The following FNTB variants were observed in gnomAD, a reference collection of about 807,000 sequenced individuals.
FNTB encodes the protein protein farnesyltransferase subunit beta.
A neutral mutation model predicts 59.4 loss-of-function variants in FNTB; 27 were observed. The observed-to-expected ratio is 0.45, with a 90% CI of 0.34 to 0.63. The LOEUF is 0.63. Ranked by LOEUF, FNTB falls within the 20% of genes least tolerant of loss-of-function variation. The probability of loss-of-function intolerance (pLI) is 0.02; values close to 1 mark genes in which losing one functional copy is unlikely to be tolerated. For missense variants in FNTB, 449 were observed against 559.6 expected (o/e 0.80, Z 1.99); for synonymous variants, 230 against 220.7 (o/e 1.04, Z -0.37).
intron 8 of FNTB, among the ~76,000 whole-genome samples, chr14:65,043,973 TTTA>T (rs1335584020): frequency 6.6e-6 from 1 of 152,122 alleles, no homozygotes; most frequent in Non-Finnish European, 1.5e-5. Context: ...TTAAGCCATG[TTTA>T]TTAAGAGACT....
rs184332071 is a variant in FNTB, at chr14:65,024,162, G to A, written c.375-3291G>A. ...CTAGTTCTACTGAATTAGAGCTGCA[G>A]TTTAGCAAGATCCACAGGTAATTTC... On this transcript the variant is annotated intron_variant, in intron 4 of 11. Transcript: ENST00000246166. Among the ~76,000 whole-genome samples the A allele has an allele frequency of 3.9e-5, 6 of 151,940 alleles. No homozygotes were observed. In the East Asian group the frequency reaches 5.8e-4, roughly 15 times the overall value.
At chr14:65,005,449 T>TTTTCTTTTTC (rs1555390048) in intron 2 of FNTB, among the ~76,000 whole-genome samples, 4 of 119,814 alleles carry the variant, frequency 3.3e-5, no homozygotes, top group Admixed American at 9.2e-5. Flanking sequence ...TCTTCCTTTC[T>TTTTCTTTTTC]TTTCTTTCTT....
Position 65,001,172 on chromosome 14 carries a change from A to G in FNTB, c.145-3077A>G, listed in dbSNP as rs1356766149. On this transcript the variant is annotated intron_variant, in intron 1 of 11. Transcript: ENST00000246166. The surrounding 1 kb of genome is among the most constrained non-coding windows in gnomAD (Gnocchi z 5.5). ...TTGCAGTTACATTGTACTAGGAGGT[A>G]TTATAAGTAATCTAGAGATGATTTA... Among the ~76,000 whole-genome samples the G allele has an allele frequency of 1.3e-5, 2 of 152,182 alleles. No individual in the cohort carries two copies. The highest frequency in any genetic ancestry group is 2.9e-5 in the Non-Finnish European group (2 of 68,040).
intron 1 of FNTB, among the ~76,000 whole-genome samples, chr14:64,992,058 G>A (rs183872617): frequency 1.3e-5 from 2 of 152,266 alleles, no homozygotes; most frequent in African/African-American, 4.8e-5. Context: ...GTAAATGGAG[G>A]TGGAACAAAT....
In FNTB at chr14:65,041,558, CT is replaced by C. The variant is rs377706877; in HGVS notation, c.822+640del. 1.1e-3 allele frequency among the ~76,000 whole-genome samples: 171 copies of C among 152,298 alleles called. 2 individuals carry two copies. Among genetic ancestry groups the C allele is most frequent in the African/African-American group, 3.7e-3 (154 of 41,566 alleles). On this transcript the variant is annotated intron_variant, in intron 8 of 11. Coordinates refer to ENST00000246166, the MANE Select transcript of FNTB (RefSeq NM_002028.4). The stretch of plus-strand genomic sequence containing the variant: ...ATGTCATTTGGGGAGCATGTACCCC[CT>C]GACCATGACGTCAAAGCAAACCAGC...
intron 1 of FNTB, among the ~76,000 whole-genome samples, chr14:64,993,116 A>T (rs1888266625): frequency 6.6e-6 from 1 of 152,178 alleles, no homozygotes; most frequent in Admixed American, 6.5e-5. Context: ...CACCGCGCCC[A>T]GCTAAAATGA....
In FNTB at chr14:65,007,139, A is replaced by G. The variant is rs2061607340; in HGVS notation, c.209+2826A>G. On this transcript the variant is annotated intron_variant, in intron 2 of 11. Coordinates refer to ENST00000246166, the MANE Select transcript of FNTB (RefSeq NM_002028.4). The surrounding 1 kb of genome is among the most constrained non-coding windows in gnomAD (Gnocchi z 4.9). ...AATGGCTGAGTATATAATTCAACAT[A>G]TCAATATAAGGCTGAAGGCAAACAT... Among the ~76,000 whole-genome samples, 1 of 152,266 alleles carries G rather than the reference A, an allele frequency of 6.6e-6. No homozygotes were observed. The highest frequency in any genetic ancestry group is 2.4e-5 in the African/African-American group (1 of 41,468).
chr14:65,045,621 G>T (rs1452893015), intron 9 of FNTB, among the ~76,000 whole-genome samples: 1 of 152,128 alleles, frequency 6.6e-6, no homozygotes, highest in Admixed American at 6.5e-5. Context: ...TCACCATGTT[G>T]GACAGGCTGT....
intron 9 of FNTB, among the ~76,000 whole-genome samples, chr14:65,052,020 C>T (rs2139670238): frequency 6.6e-6 from 1 of 152,222 alleles, no homozygotes; most frequent in East Asian, 1.9e-4. Context: ...TGGTCTCGAT[C>T]TCCTGACCTC....
In FNTB at chr14:65,007,262, C is replaced by G. The variant is rs989699415; in HGVS notation, c.209+2949C>G. 3.3e-5 allele frequency among the ~76,000 whole-genome samples: 5 copies of G among 152,116 alleles called. No individual in the cohort carries two copies. Among genetic ancestry groups the G allele is most frequent in the Non-Finnish European group, 7.4e-5 (5 of 68,014 alleles). On this transcript the variant is annotated intron_variant, in intron 2 of 11. Coordinates refer to ENST00000246166, the MANE Select transcript of FNTB (RefSeq NM_002028.4). The surrounding 1 kb of genome is among the most constrained non-coding windows in gnomAD (Gnocchi z 4.9). ...TCTCAATATTTAACATATTAATAGT[C>G]AAAATTTAAAAGTCTGACACTTTAA...
At position 65,001,235 on chromosome 14, in the gene FNTB, C is replaced by T. The variant is rs1888589224; in HGVS notation, c.145-3014C>T. Among the ~76,000 whole-genome samples the T allele has an allele frequency of 6.6e-6, 1 of 152,180 alleles. No homozygotes were observed. Among genetic ancestry groups the T allele is most frequent in the Non-Finnish European group, 1.5e-5 (1 of 68,022 alleles). On this transcript the variant is annotated intron_variant, in intron 1 of 11. Coordinates refer to ENST00000246166, the MANE Select transcript of FNTB (RefSeq NM_002028.4). This position sits in a 1 kb window ranked among gnomAD's most constrained non-coding sequence, Gnocchi z 5.5. ...GCACTATATAACAATCAACAGACTA[C>T]ATATACCACAGTGGTCTGGAAAGAT... is the stretch of plus-strand genomic sequence containing the variant.
At position 65,053,232 on chromosome 14, in the gene FNTB, C is replaced by T. The variant is rs759492337; in HGVS notation, c.956-6C>T. ...GGGCCCTTACTGACCCTTTGCCCTT[C>T]AACAGGTGACCCTGCCCTTAGCATG... On this transcript the variant is annotated splice_region_variant and splice_polypyrimidine_tract_variant and intron_variant, in intron 9 of 11. Transcript: ENST00000246166. 1 of 1,371,548 alleles carries T rather than the reference C, an allele frequency of 7.3e-7. No individual in the cohort carries two copies. The highest frequency in any genetic ancestry group is 2.8e-5 in the Admixed American group (1 of 35,214). The allele number at this position is 1,371,548 out of a possible 1,614,324, so 85.0% of individuals were successfully genotyped here. A position where few individuals can be genotyped will look rare whatever the true frequency, so the allele number is the denominator to read the frequency against.
rs1057065586 is a variant in FNTB, at chr14:65,026,493, C to T, written c.375-960C>T. On this transcript the variant is annotated intron_variant, in intron 4 of 11. Transcript: ENST00000246166. ...TCAGTGCAGCTCCTCTTATGTTTAC[C>T]GCAATTAAGGTGAGCATGAGAGCAG... Among the ~76,000 whole-genome samples the T allele has an allele frequency of 4.6e-5, 7 of 152,232 alleles. No individual in the cohort carries two copies. In the South Asian group the frequency reaches 6.2e-4, roughly 14 times the overall value.
chr14:65,043,522 C>T (rs1160533331), intron 8 of FNTB, among the ~76,000 whole-genome samples: 2 of 152,172 alleles, frequency 1.3e-5, no homozygotes, highest in African/African-American at 4.8e-5. Context: ...TTGAGATCAT[C>T]TGATGAAATG....
At chr14:64,999,695 G>GA (rs1566862247) in intron 1 of FNTB, among the ~76,000 whole-genome samples, 1 of 151,444 alleles carries the variant, frequency 6.6e-6, no homozygotes, top group East Asian at 1.9e-4. Context: ...GACCTGTTAA[G>GA]AAAAAAAAGA....
At chr14:65,006,957 TTCC>T (rs1446863481) in intron 2 of FNTB, among the ~76,000 whole-genome samples, 7 of 152,242 alleles carry the variant, frequency 4.6e-5, no homozygotes, top group African/African-American at 1.7e-4. Context: ...AAAAAAAGTG[TTCC>T]TCCTGGGCTC....
At position 65,030,718 on chromosome 14, in the gene FNTB, C is replaced by A. The variant is rs1050963541; in HGVS notation, c.606-1892C>A. Among the ~76,000 whole-genome samples, 3 of 150,642 alleles carry A rather than the reference C, an allele frequency of 2.0e-5. No individual in the cohort carries two copies. The highest frequency in any genetic ancestry group is 6.6e-5 in the Admixed American group (1 of 15,112). On this transcript the variant is annotated intron_variant, in intron 6 of 11. Coordinates refer to ENST00000246166, the MANE Select transcript of FNTB (RefSeq NM_002028.4). The surrounding 1 kb of genome is among the most constrained non-coding windows in gnomAD (Gnocchi z 4.5). ...TAGCGCCACTGCACTGCAGCCTGGG[C>A]AACAAAGTGAGATCCTATCTTAAAA...
At chr14:65,056,238 T>C (rs1272544217) in intron 11 of FNTB, among the ~76,000 whole-genome samples, 1 of 152,240 alleles carries the variant, frequency 6.6e-6, no homozygotes, top group African/African-American at 2.4e-5. Flanking sequence ...CATGTGTTGC[T>C]CCAGTTTATT....
intron 4 of FNTB, among the ~76,000 whole-genome samples, chr14:65,026,849 G>T (rs1295935041): frequency 6.6e-6 from 1 of 151,116 alleles, no homozygotes; most frequent in Non-Finnish European, 1.5e-5. Context: ...GCGACCGAGG[G>T]CAACCCCGCC....
Sources: gnomAD v4.1 joint callset for allele counts (sites outside exome capture counted in the v4.1 genomes callset) on GRCh38, gnomAD v4.1.1 for gene constraint, Gnocchi (gnomAD v3.1) non-coding constraint, MANE v1.5 for transcripts, NCBI Gene and HGNC (gene_info 2026-07-23, HGNC 2026-07-21) for gene names.